NLGN1: variants seen among roughly 807,000 people sequenced by gnomAD.
NLGN1 encodes neuroligin 1.
Under a neutral mutation model 65.5 loss-of-function variants are expected in NLGN1, and 12 were observed. That is an observed-to-expected ratio of 0.18 (90% CI 0.12 to 0.30). The LOEUF is 0.30. Ranked by LOEUF, NLGN1 falls within the 10% of genes least tolerant of loss-of-function variation. The probability of loss-of-function intolerance (pLI) is 1.00; values close to 1 mark genes in which losing one functional copy is unlikely to be tolerated. For synonymous variants in NLGN1, 350 were observed against 359.5 expected (o/e 0.97, Z 0.30); for missense variants, 750 against 1,007.1 (o/e 0.74, Z 3.46).
At chr3:173,497,396 AT>A (rs1346796461) in intron 2 of NLGN1, among the ~76,000 whole-genome samples, 5 of 37,988 alleles carry the variant, frequency 1.3e-4, no homozygotes, top group Admixed American at 5.9e-4. Context: ...CTCAAAATAA[AT>A]AAATAAATAA....
intron 4 of NLGN1, among the ~76,000 whole-genome samples, chr3:174,105,669 G>A (rs1713567354): frequency 7.6e-6 from 1 of 131,794 alleles, no homozygotes; most frequent in African/African-American, 2.9e-5. Flanking sequence ...TCCTTCCTTG[G>A]AGACATAATA....
intron 4 of NLGN1, among the ~76,000 whole-genome samples, chr3:173,940,984 A>T (rs1449576965): frequency 6.6e-6 from 1 of 152,222 alleles, no homozygotes; most frequent in Non-Finnish European, 1.5e-5. Context: ...CCATAATTAA[A>T]GAAAGAAAAG....
chr3:173,417,530 A>C (rs965653415), intron 1 of NLGN1, among the ~76,000 whole-genome samples: 5 of 151,926 alleles, frequency 3.3e-5, no homozygotes, highest in Non-Finnish European at 5.9e-5. Flanking sequence ...ATATTTTGCT[A>C]TCATTATGTG....
At chr3:173,419,020 CTTTTTTTTTTTTTTTTTTTTTT>C (rs59051811) in intron 1 of NLGN1, among the ~76,000 whole-genome samples, 1 of 12,262 alleles carries the variant, frequency 8.2e-5, no homozygotes, top group Admixed American at 1.5e-3. Flanking sequence ...TCTTCTTCTT[CTTTTTTTTTTTTTTTTTTTTTT>C]TTTTTTTTTT....
intron 3 of NLGN1, among the ~76,000 whole-genome samples, chr3:173,775,139 G>A (rs1020172926): frequency 6.6e-6 from 1 of 151,972 alleles, no homozygotes; most frequent in African/African-American, 2.4e-5. Context: ...ATATGCTTCT[G>A]TTTTCTGAGT....
chr3:174,236,238 A>G (rs1440947250), intron 4 of NLGN1, among the ~76,000 whole-genome samples: 2 of 152,270 alleles, frequency 1.3e-5, no homozygotes, highest in East Asian at 3.9e-4. Flanking sequence ...CAATACCAGT[A>G]TGTTACTCGA....
intron 3 of NLGN1, among the ~76,000 whole-genome samples, chr3:173,733,274 A>T (rs1773159628): frequency 6.6e-6 from 1 of 152,152 alleles, no homozygotes; most frequent in Admixed American, 6.6e-5. Flanking sequence ...TTTTTTTGAA[A>T]ATCTTGCAAA....
intron 4 of NLGN1, among the ~76,000 whole-genome samples, chr3:174,206,556 G>GC (rs1404850089): frequency 6.6e-6 from 1 of 152,126 alleles, no homozygotes; most frequent in Non-Finnish European, 1.5e-5. Flanking sequence ...CCTACACTCA[G>GC]CCCCCACTGC....
chr3:173,446,872 G>C (rs1041152117), intron 2 of NLGN1, among the ~76,000 whole-genome samples: 3 of 152,214 alleles, frequency 2.0e-5, no homozygotes, highest in Non-Finnish European at 2.9e-5. Flanking sequence ...CTTTTGCGAA[G>C]TGTCTGTTCA....
chr3:174,252,455 A>T (rs1030019712), intron 4 of NLGN1, among the ~76,000 whole-genome samples: 2 of 152,196 alleles, frequency 1.3e-5, no homozygotes, highest in Non-Finnish European at 2.9e-5. Flanking sequence ...GAAAGGGAAC[A>T]TACACAATAT....
chr3:173,805,973 A>G (rs911382639), intron 3 of NLGN1, among the ~76,000 whole-genome samples: 1 of 152,160 alleles, frequency 6.6e-6, no homozygotes, highest in Non-Finnish European at 1.5e-5. Context: ...GAGAAAATAA[A>G]TTCAGATTTT....
rs567439893 is a variant in NLGN1 at position 174,114,686 on chromosome 3, C to A, written c.647-160629C>A. Among the ~76,000 whole-genome samples, 8 of 152,210 alleles carry A rather than the reference C, an allele frequency of 5.3e-5. No individual in the cohort carries two copies. The South Asian group carries it at 1.7e-3, about 32-fold the overall frequency. On this transcript the variant is annotated intron_variant, in intron 4 of 6. Coordinates refer to ENST00000457714, the Ensembl canonical transcript of NLGN1. ...TCTAGTGATGTTTGTCATATTTTAT[C>A]TAACGCTGCATAGTTTACATGCACT...
intron 4 of NLGN1, among the ~76,000 whole-genome samples, chr3:173,961,081 CA>C (rs138852507): frequency 0.021 from 3,249 of 152,048 alleles, 62 homozygotes; most frequent in Non-Finnish European, 0.036. Context: ...TTTTCTAGAC[CA>C]ATGTGATAAT....
chr3:173,696,755 T>C (rs549157133), intron 3 of NLGN1, among the ~76,000 whole-genome samples: 2 of 152,334 alleles, frequency 1.3e-5, no homozygotes, highest in South Asian at 4.1e-4. Flanking sequence ...CTTATGAGTT[T>C]TAACCACATA....
intron 3 of NLGN1, among the ~76,000 whole-genome samples, chr3:173,708,760 A>G (rs968173607): frequency 2.0e-5 from 3 of 152,182 alleles, no homozygotes. Flanking sequence ...AGGGGTGGTA[A>G]TGATCATACA....
chr3:173,578,938 TTAAA>T lies in NLGN1; in HGVS notation c.-320-25335_-320-25332del, dbSNP rs1313212489. On this transcript the variant is annotated intron_variant, in intron 2 of 6. Transcript: ENST00000457714. The stretch of plus-strand genomic sequence containing the variant: ...TTTCTATATTTTTCAATTTTACCAA[TTAAA>T]TAAATGTATAAATTATAGATGTAAA... 5.3e-5 allele frequency among the ~76,000 whole-genome samples: 8 copies of T among 152,340 alleles called. No individual in the cohort carries two copies. In the East Asian group the frequency reaches 7.7e-4, roughly 15 times the overall value.
chr3:173,930,700 G>A lies in NLGN1; in HGVS notation c.646+122868G>A, dbSNP rs190554419. On this transcript the variant is annotated intron_variant, in intron 4 of 6. Coordinates refer to ENST00000457714, the Ensembl canonical transcript of NLGN1. ...ATTGTCATATTCATCCTGGTGCTTC[G>A]GAAGTCCAGTCTTCATAATAAAAGA... Among the ~76,000 whole-genome samples the A allele has an allele frequency of 1.6e-4, 25 of 152,200 alleles. No homozygotes were observed. The East Asian group carries it at 3.1e-3, about 19-fold the overall frequency.
chr3:173,976,060 G>A (rs745990608), intron 4 of NLGN1, among the ~76,000 whole-genome samples: 1 of 152,010 alleles, frequency 6.6e-6, no homozygotes, highest in Non-Finnish European at 1.5e-5. Flanking sequence ...TGAGTGATAT[G>A]CACTGTGTAC....
intron 3 of NLGN1, among the ~76,000 whole-genome samples, chr3:173,676,683 C>T (rs1039353455): frequency 6.6e-6 from 1 of 152,084 alleles, no homozygotes; most frequent in African/African-American, 2.4e-5. Context: ...GTAGTTGCTG[C>T]ACACTGGAAA....
Sources: allele counts gnomAD v4.1 joint callset (sites outside exome capture counted in the v4.1 genomes callset), GRCh38; gene constraint gnomAD v4.1.1; transcripts MANE v1.5; gene names NCBI Gene and HGNC (gene_info 2026-07-23, HGNC 2026-07-21).